ITGA6: variants seen among roughly 807,000 people sequenced by gnomAD.
ITGA6 encodes integrin subunit alpha 6, also known as integrin alpha-6.
ITGA6 carries 63 observed loss-of-function variants against 133.6 expected under a neutral mutation model. The observed-to-expected ratio is 0.47, with a 90% CI of 0.38 to 0.58. The LOEUF (loss-of-function observed/expected upper bound fraction) is 0.58. ITGA6 is among the 20% of genes least tolerant of loss of function. The pLI is 0.00. For missense variants in ITGA6, 1,068 were observed against 1,309.4 expected (o/e 0.82, Z 2.85); for synonymous variants, 434 against 482.0 (o/e 0.90, Z 1.30).
intron 1 of ITGA6, among the ~76,000 whole-genome samples, chr2:172,443,153 A>G (rs987015751): frequency 1.3e-5 from 2 of 152,178 alleles, no homozygotes; most frequent in African/African-American, 4.8e-5. Flanking sequence ...ACAAGCAAAT[A>G]TGTACATAGA....
rs1440279271 is a variant in ITGA6, at chr2:172,504,492, G to C, written c.*424G>C. The C allele has an allele frequency of 2.2e-5, 8 of 370,268 alleles. No individual in the cohort carries two copies. The South Asian group carries it at 2.8e-4, about 13-fold the overall frequency. The allele number at this position is 370,268 out of a possible 1,614,324, so 22.9% of individuals were successfully genotyped here. On this transcript the variant is annotated 3_prime_UTR_variant, in exon 26 of 26. Transcript: ENST00000684293. ...TTTAACTGCCGTAATTTAACTTTCT[G>C]GGTTGCCTTTATTTTTGGCGTGGCT... is the stretch of plus-strand genomic sequence containing the variant.
chr2:172,472,946 T>G (rs1686010820), intron 5 of ITGA6: 1 of 1,136,936 alleles, frequency 8.8e-7, no homozygotes. Flanking sequence ...ATTAAATTTT[T>G]TTTTTTGATC....
chr2:172,469,165 C>G lies in ITGA6; in HGVS notation c.428C>G (p.Thr143Arg). The G allele has an allele frequency of 3.1e-6, 5 of 1,614,068 alleles. No homozygotes were observed. Among genetic ancestry groups the G allele is most frequent in the Non-Finnish European group, 4.2e-6 (5 of 1,179,960 alleles). Residue 143 changes from threonine (T) to arginine (R), a missense_variant, in exon 4 of 26, where the codon ACG becomes AGG. This residue lies in a region of ITGA6 where 317 missense variants were observed against 456.9 expected (regional missense o/e 0.69). Transcript: ENST00000684293. The part of the protein sequence containing the change: ...HRYEKRQHVN[T>R]KQESRDIFGR... ...TATGAAAAAAGGCAGCATGTTAATA[C>G]GAAGCAGGAATCCCGAGACATCTTT...
intron 1 of ITGA6, among the ~76,000 whole-genome samples, chr2:172,440,297 G>C (rs1684487965): frequency 6.6e-6 from 1 of 152,112 alleles, no homozygotes; most frequent in African/African-American, 2.4e-5. Flanking sequence ...TGAACTCTTT[G>C]ATTCCCCAAA....
Position 172,498,006 on chromosome 2 carries a change from T to C in ITGA6, c.3020T>C (p.Val1007Ala). The C allele has an allele frequency of 6.2e-7, 1 of 1,613,904 alleles. No homozygotes were observed. ...GTGACTGTGTTTCCCTCAAAGACTG[T>C]AGCTCAGTATTCGGGAGTACCTTGG... ...VRVTVFPSKT[V>A]AQYSGVPWWI... The change falls in exon 24 of 26, where the codon GTA becomes GCA. Residue 1007 changes from valine to alanine, a missense_variant. Coordinates refer to ENST00000684293, the MANE Select transcript of ITGA6 (RefSeq NM_000210.4).
At chr2:172,473,200 C>T (rs925642548) in intron 5 of ITGA6, among the ~76,000 whole-genome samples, 3 of 152,214 alleles carry the variant, frequency 2.0e-5, no homozygotes, top group East Asian at 3.9e-4. Context: ...GCATCTGCCT[C>T]ACCTTTCTAT....
At chr2:172,489,788 A>G in intron 20 of ITGA6, 130 bp downstream of exon 20, 1 of 878,314 alleles carries the variant, frequency 1.1e-6, no homozygotes, top group Non-Finnish European at 1.8e-6. Flanking sequence ...TGGTTGTCAC[A>G]ATTTCTCTTT....
chr2:172,452,605 A>G (rs1001883403), intron 1 of ITGA6, among the ~76,000 whole-genome samples: 5 of 152,212 alleles, frequency 3.3e-5, no homozygotes, highest in African/African-American at 1.2e-4. Flanking sequence ...ATAAGTAGCC[A>G]TGTGGGGAAT....
intron 1 of ITGA6, among the ~76,000 whole-genome samples, chr2:172,450,881 A>G (rs988600400): frequency 1.4e-5 from 2 of 147,186 alleles, no homozygotes; most frequent in Non-Finnish European, 3.0e-5. Context: ...ATATATTTAT[A>G]TATTTATATA....
chr2:172,503,970 G>GGTTT (rs1687454638), intron 25 of ITGA6, 121 bp from the exon 26 acceptor site: 1 of 650,416 alleles, frequency 1.5e-6, no homozygotes, highest in Non-Finnish European at 2.3e-6. Context: ...AGAAAACCAT[G>GGTTT]TCTTTTTCCC....
rs563852637 is a variant in ITGA6, at chr2:172,453,640, C to A, written c.183-11899C>A. Reference sequence around the variant, plus strand: ...TGGGCTGAAGGATGATTGCATGGGGCCCATCTGGATAATCCAAGATACTTT... The same window carrying A: ...TGGGCTGAAGGATGATTGCATGGGGACCATCTGGATAATCCAAGATACTTT... On this transcript the variant is annotated intron_variant, in intron 1 of 25. Coordinates refer to ENST00000684293, the MANE Select transcript of ITGA6 (RefSeq NM_000210.4). Among the ~76,000 whole-genome samples, 4 of 152,336 alleles carry A rather than the reference C, an allele frequency of 2.6e-5. No homozygotes were observed. In the South Asian group the frequency reaches 8.3e-4, roughly 32 times the overall value.
At chr2:172,501,683 T>C in intron 24 of ITGA6, 89 bp from the exon 25 acceptor site, 2 of 1,330,030 alleles carry the variant, frequency 1.5e-6, no homozygotes, top group Non-Finnish European at 2.1e-6. Context: ...AAGCCACTAG[T>C]AGAAGGCAGA....
In ITGA6 at chr2:172,496,033, C is replaced by A. The variant is rs186337604; in HGVS notation, c.2989-1942C>A. Among the ~76,000 whole-genome samples, 4 of 152,334 alleles carry A rather than the reference C, an allele frequency of 2.6e-5. No individual in the cohort carries two copies. The East Asian group carries it at 7.7e-4, about 29-fold the overall frequency. On this transcript the variant is annotated intron_variant, in intron 23 of 25. Coordinates refer to ENST00000684293, the MANE Select transcript of ITGA6 (RefSeq NM_000210.4). Reference sequence around the variant, plus strand: ...TCTTGCCCTGAGGATACACTGTACACCTTCCTTGTGTTAGATAATAGGGCA... The same window carrying A: ...TCTTGCCCTGAGGATACACTGTACAACTTCCTTGTGTTAGATAATAGGGCA...
At chr2:172,476,318 G>C (rs1686172047) in intron 8 of ITGA6, 77 bp from the exon 9 acceptor site, 2 of 831,476 alleles carry the variant, frequency 2.4e-6, no homozygotes, top group Admixed American at 1.7e-5. Flanking sequence ...AAAGAAACTT[G>C]TGTGTCTTTT....
chr2:172,445,418 G>A (rs1684722723), intron 1 of ITGA6, among the ~76,000 whole-genome samples: 1 of 149,370 alleles, frequency 6.7e-6, no homozygotes, highest in Admixed American at 6.6e-5. Flanking sequence ...GGGAGACCGA[G>A]GCGGGCAGAT....
At position 172,497,523 on chromosome 2, in the gene ITGA6, A is replaced by G. The variant is rs558395915; in HGVS notation, c.2989-452A>G. On this transcript the variant is annotated intron_variant, in intron 23 of 25. Coordinates refer to ENST00000684293, the MANE Select transcript of ITGA6 (RefSeq NM_000210.4). ...TCTCCAAAAAAAAAAAAAAAAAAGT[A>G]TGATTGTTCTCAAAAAGATACCAGG... 9.2e-4 allele frequency among the ~76,000 whole-genome samples: 138 copies of G among 150,056 alleles called. 1 individual carries two copies. Among genetic ancestry groups the G allele is most frequent in the Non-Finnish European group, 1.8e-4 (12 of 67,560 alleles).
At position 172,428,966 on chromosome 2, in the gene ITGA6, A is replaced by C. The variant is rs901585589; in HGVS notation, c.182+996A>C. On this transcript the variant is annotated intron_variant, in intron 1 of 25. Transcript: ENST00000684293. ...GTGCTACTGAAAAATAGGCTGTAGC[A>C]ACAAAAGGTCTCCCCTCCCCACCCA... Among the ~76,000 whole-genome samples the C allele has an allele frequency of 2.6e-5, 4 of 152,236 alleles. No individual in the cohort carries two copies. In the East Asian group the frequency reaches 7.7e-4, roughly 29 times the overall value.
At chr2:172,472,043 C>T (rs1329801275) in intron 5 of ITGA6, among the ~76,000 whole-genome samples, 9 of 152,212 alleles carry the variant, frequency 5.9e-5, no homozygotes, top group East Asian at 1.9e-4. Flanking sequence ...TTGTTCAGGC[C>T]GGGCCTGGTG....
intron 1 of ITGA6, among the ~76,000 whole-genome samples, chr2:172,452,849 A>C (rs1049039022): frequency 3.3e-5 from 5 of 152,178 alleles, no homozygotes; most frequent in Admixed American, 1.3e-4. Context: ...GGTTTCTCAA[A>C]TGTGGTGTGG....
Sources: gnomAD v4.1 joint callset for allele counts (sites outside exome capture counted in the v4.1 genomes callset) on GRCh38, gnomAD v4.1.1 for gene constraint, gnomAD v4.1.1 regional missense constraint, MANE v1.5 for transcripts, NCBI Gene and HGNC (gene_info 2026-07-23, HGNC 2026-07-21) for gene names.